Variants in TMEM63C observed in about 807,000 individuals in gnomAD.
TMEM63C encodes the protein osmosensitive cation channel TMEM63C.
TMEM63C carries 32 observed loss-of-function variants against 99.2 expected under a neutral mutation model. The ratio of observed to expected loss-of-function variants is 0.32; its 90% CI spans 0.24 to 0.43. The LOEUF is 0.43. TMEM63C is among the 20% of genes least tolerant of loss of function. TMEM63C has a pLI of 1.00. For missense variants in TMEM63C, 826 were observed against 1,053.0 expected, an observed-to-expected ratio of 0.78 and a Z score of 2.98; for synonymous variants, 376 against 397.9, an observed-to-expected ratio of 0.94 and a Z score of 0.66.
At chr14:77,210,520 T>A (rs2140102880) in intron 1 of TMEM63C, among the ~76,000 whole-genome samples, 1 of 152,234 alleles carries the variant, frequency 6.6e-6, no homozygotes. Context: ...ATGTCAGTGG[T>A]GAAGGACGTG....
chr14:77,222,988 A>G (rs1172763271), intron 5 of TMEM63C, among the ~76,000 whole-genome samples: 1 of 152,212 alleles, frequency 6.6e-6, no homozygotes, highest in Non-Finnish European at 1.5e-5. Context: ...CATCTGATGC[A>G]TATTTGTCAG....
Position 77,218,972 on chromosome 14 carries a change from T to A in TMEM63C, c.150+9T>A. The A allele has an allele frequency of 6.4e-7, 1 of 1,559,000 alleles. No homozygotes were observed. Among genetic ancestry groups the A allele is most frequent in the Non-Finnish European group, 8.7e-7 (1 of 1,152,306 alleles). The stretch of plus-strand genomic sequence containing the variant: ...ACATCGCCCTGTGGGTGGTGAGTCC[T>A]GGGCACTGCAGGAGGCAGACAGTAA... On this transcript the variant is annotated intron_variant, in intron 3 of 23. Transcript: ENST00000298351.
intron 2 of TMEM63C, 95 bp from the exon 3 acceptor site, chr14:77,218,706 C>T: frequency 7.4e-7 from 1 of 1,359,286 alleles, no homozygotes; most frequent in Non-Finnish European, 1.0e-6. Context: ...GGCCGAGGCA[C>T]TCGGTGCCCA....
intron 1 of TMEM63C, among the ~76,000 whole-genome samples, chr14:77,210,737 CTTGT>C (rs111540201): frequency 9.2e-5 from 14 of 152,276 alleles, no homozygotes; most frequent in African/African-American, 3.4e-4. Context: ...GGAATCCCAG[CTTGT>C]TTGTTTAAGT....
In TMEM63C at chr14:77,248,803, G is replaced by A; in HGVS notation, c.1801G>A (p.Ala601Thr). Reference protein sequence around the residue: ...AIDFQFGREYAWMMNVFSVVM... With the variant: ...AIDFQFGREYTWMMNVFSVVM... ...AGACTTCCAGTTTGGGCGTGAGTAT[G>A]CGTGGATGATGAACGTGTTCAGCGT... Residue 601 changes from alanine to threonine, a missense_variant, in exon 20 of 24, where the codon GCG (alanine) becomes ACG (threonine). By Grantham distance (58) the Ala-to-Thr change is moderately conservative (BLOSUM62 0). Coordinates refer to ENST00000298351, the MANE Select transcript of TMEM63C (RefSeq NM_020431.4). The A allele has an allele frequency of 1.2e-6, 2 of 1,614,066 alleles. No individual in the cohort carries two copies. Among genetic ancestry groups the A allele is most frequent in the Non-Finnish European group, 8.5e-7 (1 of 1,179,904 alleles).
chr14:77,229,632 A>ATATATATAT (rs59641845), intron 6 of TMEM63C, among the ~76,000 whole-genome samples: 16 of 144,064 alleles, frequency 1.1e-4, no homozygotes, highest in South Asian at 6.8e-4. Flanking sequence ...ATATATATAT[A>ATATATATAT]GTAGAGATGG....
rs115033141 is a variant in TMEM63C at position 77,219,323 on chromosome 14, G to T, written c.151-175G>T. 7.3e-3 allele frequency among the ~76,000 whole-genome samples: 1,107 copies of T among 152,236 alleles called. 13 individuals carry two copies. Among genetic ancestry groups the T allele is most frequent in the African/African-American group, 0.026 (1,062 of 41,536 alleles). On this transcript the variant is annotated intron_variant, in intron 3 of 23. Coordinates refer to ENST00000298351, the MANE Select transcript of TMEM63C (RefSeq NM_020431.4). The stretch of plus-strand genomic sequence containing the variant: ...ACTCTGTGCCCAGAAGCTGCTGGGC[G>T]CTGGCAACCTACAGTTGAAAGGAAT...
At position 77,254,310 on chromosome 14, in the gene TMEM63C, G is replaced by A. The variant is rs1889426267; in HGVS notation, c.2220+934G>A. 2.0e-5 allele frequency among the ~76,000 whole-genome samples: 3 copies of A among 152,172 alleles called. No homozygotes were observed. The South Asian group carries it at 6.2e-4, about 32-fold the overall frequency. The stretch of plus-strand genomic sequence containing the variant: ...GTTGTGGGCAGAGCTGGGAGTGAGT[G>A]CACGGTGACAGAAGCACAGACAAAA... On this transcript the variant is annotated intron_variant, in intron 23 of 23. Coordinates refer to ENST00000298351, the MANE Select transcript of TMEM63C (RefSeq NM_020431.4).
intron 1 of TMEM63C, among the ~76,000 whole-genome samples, chr14:77,205,846 G>A (rs76010842): frequency 6.6e-5 from 10 of 151,736 alleles, no homozygotes; most frequent in South Asian, 2.1e-4. Flanking sequence ...GCAGAAGCTC[G>A]GGCCTTGGCT....
chr14:77,216,070 TAGAG>T (rs751914750), intron 2 of TMEM63C, among the ~76,000 whole-genome samples: 6 of 140,672 alleles, frequency 4.3e-5, no homozygotes, highest in East Asian at 4.1e-4. Context: ...GAGAGGGAGA[TAGAG>T]AGAGAGGAAG....
rs3813539 is a variant in TMEM63C, at chr14:77,257,883, G to A, written c.*1157G>A. 0.11 allele frequency: 16,578 copies of A among 152,298 alleles called. 1,171 individuals carry two copies. The highest frequency in any genetic ancestry group is 0.19 in the East Asian group (980 of 5,174). 9.4% of individuals were successfully genotyped at this position (152,298 alleles called of 1,614,324 possible). ...CAGACATTGCAGATGCTTCAACCGT[G>A]ATGTCGCCCCAGGCCTGCCAGGGGT... On this transcript the variant is annotated 3_prime_UTR_variant, in exon 24 of 24. Transcript: ENST00000298351.
chr14:77,244,031 C>G (rs1383158814), intron 15 of TMEM63C, among the ~76,000 whole-genome samples: 1 of 151,838 alleles, frequency 6.6e-6, no homozygotes, highest in Admixed American at 6.6e-5. Context: ...CCTCCTCCCC[C>G]GCTCACATGT....
chr14:77,194,334 ATATGTGTGTGTGTGTGTGTG>A (rs1170860137), intron 1 of TMEM63C, among the ~76,000 whole-genome samples: 859 of 72,038 alleles, frequency 0.012, 15 homozygotes, highest in African/African-American at 0.026. Flanking sequence ...AGATATATAT[ATATGTGTGTGTGTGTGTGTG>A]TGTGTGTGTG....
intron 22 of TMEM63C, among the ~76,000 whole-genome samples, chr14:77,252,252 A>G (rs1212053050): frequency 1.3e-5 from 2 of 151,884 alleles, no homozygotes; most frequent in Non-Finnish European, 2.9e-5. Context: ...GAGAGGATGG[A>G]GCAAAGGAGG....
chr14:77,187,925 CAG>C (rs1888031329), intron 1 of TMEM63C, among the ~76,000 whole-genome samples: 1 of 152,224 alleles, frequency 6.6e-6, no homozygotes, highest in South Asian at 2.1e-4. Flanking sequence ...TGTTCCCACT[CAG>C]GGGTTATTTG....
intron 1 of TMEM63C, among the ~76,000 whole-genome samples, chr14:77,211,265 C>A (rs1448606983): frequency 6.6e-6 from 1 of 152,222 alleles, no homozygotes; most frequent in Non-Finnish European, 1.5e-5. Context: ...TCAGGGCCAG[C>A]TCTGCCATTC....
At position 77,248,338 on chromosome 14, in the gene TMEM63C, A is replaced by C. The variant is rs1889298903; in HGVS notation, c.1602-9A>C. 1.0e-5 allele frequency: 16 copies of C among 1,599,186 alleles called. No homozygotes were observed. The highest frequency in any genetic ancestry group is 1.3e-5 in the Non-Finnish European group (15 of 1,172,806). On this transcript the variant is annotated splice_polypyrimidine_tract_variant and intron_variant, in intron 18 of 23. Coordinates refer to ENST00000298351, the MANE Select transcript of TMEM63C (RefSeq NM_020431.4). ...TCTGTTGCCACCTTCCCTCTCCCTC[A>C]CTGCCCAGGTGTGTGTTCCTGCCAG...
At chr14:77,231,098 A>G in intron 6 of TMEM63C, among the ~76,000 whole-genome samples, 1 of 152,198 alleles carries the variant, frequency 6.6e-6, no homozygotes, top group Admixed American at 6.5e-5. Flanking sequence ...CCAGCGCCCC[A>G]CACTCTCACC....
intron 2 of TMEM63C, among the ~76,000 whole-genome samples, chr14:77,214,973 A>C (rs960531082): frequency 6.6e-6 from 1 of 152,098 alleles, no homozygotes; most frequent in African/African-American, 2.4e-5. Context: ...TTCCACAGCA[A>C]ATCATTACAA....
Sources: allele counts gnomAD v4.1 joint callset (sites outside exome capture counted in the v4.1 genomes callset), GRCh38; gene constraint gnomAD v4.1.1; transcripts MANE v1.5; gene names NCBI Gene and HGNC (gene_info 2026-07-23, HGNC 2026-07-21).